The following ARB2A variants were observed in gnomAD, a reference collection of about 807,000 sequenced individuals.
The protein encoded by ARB2A is ARB2 cotranscriptional regulator A, also known as cotranscriptional regulator ARB2A.
the ARB2A span, among the ~76,000 whole-genome samples, chr5:93,908,057 C>T: frequency 6.6e-6 from 1 of 151,088 alleles, no homozygotes; most frequent in Non-Finnish European, 1.5e-5. Context: ...AATGCATTAT[C>T]ATATTTACAT....
the ARB2A span, among the ~76,000 whole-genome samples, chr5:93,679,872 A>T: frequency 2.0e-5 from 3 of 152,122 alleles, no homozygotes; most frequent in Admixed American, 2.0e-4. Flanking sequence ...GTGGGAGAGG[A>T]GTTAGTAAGA....
At chr5:93,875,671 T>C in the ARB2A span, among the ~76,000 whole-genome samples, 3 of 152,204 alleles carry the variant, frequency 2.0e-5, no homozygotes, top group African/African-American at 4.8e-5. Flanking sequence ...TAAGTTGATG[T>C]AGAGAAATAT....
the ARB2A span, among the ~76,000 whole-genome samples, chr5:93,810,818 G>A: frequency 2.6e-5 from 4 of 152,060 alleles, no homozygotes; most frequent in African/African-American, 7.2e-5. Flanking sequence ...GAGCCAGAAA[G>A]CCTGGGTTTC....
the ARB2A span, among the ~76,000 whole-genome samples, chr5:94,054,794 CTCAA>C: frequency 6.6e-6 from 1 of 152,188 alleles, no homozygotes; most frequent in Non-Finnish European, 1.5e-5. Context: ...TACACATTTA[CTCAA>C]TCACTTATTT....
the ARB2A span, among the ~76,000 whole-genome samples, chr5:93,846,264 G>A: frequency 2.0e-5 from 3 of 152,002 alleles, no homozygotes; most frequent in Non-Finnish European, 4.4e-5. Flanking sequence ...AGCCCTTTAG[G>A]AGACTGAGTA....
At chr5:94,111,157 G>GA in the ARB2A span, among the ~76,000 whole-genome samples, 47 of 151,460 alleles carry the variant, frequency 3.1e-4, no homozygotes, top group African/African-American at 1.0e-3. Flanking sequence ...ACTTTTTGTA[G>GA]AAAAAAAAAT....
the ARB2A span, among the ~76,000 whole-genome samples, chr5:93,999,875 C>T: frequency 6.6e-6 from 1 of 152,182 alleles, no homozygotes; most frequent in Admixed American, 6.6e-5. Context: ...TACAGCTTTG[C>T]CTTTTCCAAA....
chr5:94,035,237 A>ATATACATATACG, the ARB2A span, among the ~76,000 whole-genome samples: 1 of 151,746 alleles, frequency 6.6e-6, no homozygotes, highest in Non-Finnish European at 1.5e-5. Context: ...ATACATATAC[A>ATATACATATACG]TATACATATA....
At chr5:93,706,613 ATCCCAGGACT>A in the ARB2A span, among the ~76,000 whole-genome samples, 1 of 152,066 alleles carries the variant, frequency 6.6e-6, no homozygotes, top group South Asian at 2.1e-4. Flanking sequence ...CACGTCTGTA[ATCCCAGGACT>A]TTGGGCAGCC....
the ARB2A span, among the ~76,000 whole-genome samples, chr5:93,929,941 T>C: frequency 2.9e-3 from 435 of 152,290 alleles, 22 homozygotes; most frequent in East Asian, 0.068. Context: ...CTCAACCTGA[T>C]CTTCACTAAT....
At chr5:94,025,120 G>A in the ARB2A span, among the ~76,000 whole-genome samples, 1 of 152,218 alleles carries the variant, frequency 6.6e-6, no homozygotes, top group Non-Finnish European at 1.5e-5. Context: ...TAAAAATGGT[G>A]GGAGCAAAGC....
chr5:93,861,692 T>C, the ARB2A span: 1 of 152,230 alleles, frequency 6.6e-6, no homozygotes. Flanking sequence ...TGGAGCTTGA[T>C]ACATACAGTT....
the ARB2A span, among the ~76,000 whole-genome samples, chr5:93,712,751 C>T: frequency 6.6e-6 from 1 of 151,964 alleles, no homozygotes; most frequent in Non-Finnish European, 1.5e-5. Flanking sequence ...TAGCCAAAGC[C>T]ATCCCTAGCA....
At chr5:94,051,886 A>G in the ARB2A span, among the ~76,000 whole-genome samples, 1 of 152,078 alleles carries the variant, frequency 6.6e-6, no homozygotes, top group Non-Finnish European at 1.5e-5. Context: ...CAGTGGCCCA[A>G]TCTCAGCTCA....
At chr5:93,725,597 AT>A in the ARB2A span, among the ~76,000 whole-genome samples, 1 of 152,070 alleles carries the variant, frequency 6.6e-6, no homozygotes, top group Non-Finnish European at 1.5e-5. Context: ...TTAGGAACAA[AT>A]GAGATGACAA....
At chr5:93,719,581 A>G in the ARB2A span, among the ~76,000 whole-genome samples, 2 of 152,152 alleles carry the variant, frequency 1.3e-5, no homozygotes, top group Admixed American at 6.5e-5. Flanking sequence ...TATTTTTACT[A>G]TTATATCTTC....
chr5:93,768,062 T>C, the ARB2A span, among the ~76,000 whole-genome samples: 12 of 143,552 alleles, frequency 8.4e-5, no homozygotes, highest in Non-Finnish European at 1.2e-4. Flanking sequence ...CTGGATGAGA[T>C]TGGAGACTAT....
chr5:93,942,926 C>T, the ARB2A span, among the ~76,000 whole-genome samples: 169 of 152,126 alleles, frequency 1.1e-3, no homozygotes, highest in African/African-American at 3.9e-3. Context: ...AGACATCATT[C>T]CAGATTTATG....
the ARB2A span, among the ~76,000 whole-genome samples, chr5:93,768,115 T>C: frequency 6.7e-6 from 1 of 149,166 alleles, no homozygotes; most frequent in South Asian, 2.1e-4. Flanking sequence ...CCAAGTATCA[T>C]ATGTTCTCAC....
Sources: gnomAD v4.1 joint callset for allele counts (sites outside exome capture counted in the v4.1 genomes callset) on GRCh38, gnomAD v4.1.1 for gene constraint, MANE v1.5 for transcripts, NCBI Gene and HGNC (gene_info 2026-07-23, HGNC 2026-07-21) for gene names.